KDM1B: variants seen among roughly 807,000 people sequenced by gnomAD.
The protein encoded by KDM1B is lysine-specific histone demethylase 2.
KDM1B carries 63 observed loss-of-function variants against 107.4 expected under a neutral mutation model. That is an observed-to-expected ratio of 0.59 (90% CI 0.48 to 0.72). The LOEUF (loss-of-function observed/expected upper bound fraction) is 0.72. KDM1B is among the 30% of genes least tolerant of loss of function. The probability of loss-of-function intolerance (pLI) is 0.00; values close to 1 mark genes in which losing one functional copy is unlikely to be tolerated. For synonymous variants in KDM1B, 363 were observed against 363.9 expected (o/e 1.00, Z 0.03); for missense variants, 749 against 1,020.8 (o/e 0.73, Z 3.63).
At chr6:18,193,752 T>G (rs1787452030) in intron 10 of KDM1B, among the ~76,000 whole-genome samples, 1 of 152,088 alleles carries the variant, frequency 6.6e-6, no homozygotes, top group African/African-American at 2.4e-5. Context: ...AGGCCTGGGA[T>G]GGGAGCTGCT....
At chr6:18,210,684 G>C (rs1788799412) in intron 17 of KDM1B, among the ~76,000 whole-genome samples, 1 of 151,948 alleles carries the variant, frequency 6.6e-6, no homozygotes, top group Non-Finnish European at 1.5e-5. Context: ...ATGCTTTTCA[G>C]TGCTATTTTG....
chr6:18,165,229 G>A (rs1003083114), intron 5 of KDM1B, among the ~76,000 whole-genome samples: 33 of 132,248 alleles, frequency 2.5e-4, no homozygotes, highest in Admixed American at 7.2e-4. Flanking sequence ...TGCCTCCCAA[G>A]TTCACACCAT....
At chr6:18,207,927 G>A (rs937170789) in intron 16 of KDM1B, among the ~76,000 whole-genome samples, 4 of 152,122 alleles carry the variant, frequency 2.6e-5, no homozygotes, top group African/African-American at 4.8e-5. Context: ...TCTATATTCC[G>A]ACACAATGTT....
At chr6:18,181,846 T>C (rs948160566) in intron 7 of KDM1B, among the ~76,000 whole-genome samples, 1 of 152,224 alleles carries the variant, frequency 6.6e-6, no homozygotes, top group Non-Finnish European at 1.5e-5. Flanking sequence ...CACCCTGCTA[T>C]GAAATCAGAA....
In KDM1B at chr6:18,222,323, T is replaced by G. The variant is rs1303978644; in HGVS notation, c.*331T>G. On this transcript the variant is annotated 3_prime_UTR_variant, in exon 22 of 22. Coordinates refer to ENST00000650836, the MANE Select transcript of KDM1B (RefSeq NM_001364614.2). ...AGTTCCCTTTAGATTTCACATTTTATATGGCTGATCAATTTTCATACATTG... is the reference window on the plus strand; with the variant it reads ...AGTTCCCTTTAGATTTCACATTTTAGATGGCTGATCAATTTTCATACATTG... 1 of 386,786 alleles carries G rather than the reference T, an allele frequency of 2.6e-6. No homozygotes were observed. The highest frequency in any genetic ancestry group is 2.1e-5 in the African/African-American group (1 of 48,118). The allele number at this position is 386,786 out of a possible 1,614,324, so 24.0% of individuals were successfully genotyped here.
At chr6:18,195,182 G>A (rs188196532) in intron 10 of KDM1B, among the ~76,000 whole-genome samples, 37 of 152,160 alleles carry the variant, frequency 2.4e-4, no homozygotes, top group African/African-American at 7.7e-4. Context: ...TTGTCCATTC[G>A]TCCACTGATG....
rs961018059 is a variant in KDM1B, at chr6:18,223,004, C to T, written c.*1012C>T. 3 of 152,494 alleles carry T rather than the reference C, an allele frequency of 2.0e-5. No homozygotes were observed. The highest frequency in any genetic ancestry group is 7.2e-5 in the African/African-American group (3 of 41,414). 9.4% of individuals were successfully genotyped at this position (152,494 alleles called of 1,614,324 possible). A position where few individuals can be genotyped will look rare whatever the true frequency, so the allele number is the denominator to read the frequency against. ...AAGCTATATTTTAAAGGCCTAAGAA[C>T]ATGGCAAGTATTTACTTTTATCTTT... On this transcript the variant is annotated 3_prime_UTR_variant, in exon 22 of 22. Transcript: ENST00000650836.
At chr6:18,206,360 A>G (rs1788372301) in intron 15 of KDM1B, among the ~76,000 whole-genome samples, 2 of 151,888 alleles carry the variant, frequency 1.3e-5, no homozygotes, top group Admixed American at 1.3e-4. Flanking sequence ...TACAAAACAT[A>G]CAAAAAATTA....
chr6:18,223,476 T>C lies in KDM1B; in HGVS notation c.*1484T>C, dbSNP rs1789946824. On this transcript the variant is annotated 3_prime_UTR_variant, in exon 22 of 22. Transcript: ENST00000650836. Reference sequence around the variant, plus strand: ...GGTACTGACTGGCAAGTATTCTGCTTTAAAGTATCATGTATTAAAATGTTT... The same window carrying C: ...GGTACTGACTGGCAAGTATTCTGCTCTAAAGTATCATGTATTAAAATGTTT... The C allele has an allele frequency of 1.3e-5, 2 of 152,096 alleles. No individual in the cohort carries two copies. Among genetic ancestry groups the C allele is most frequent in the Admixed American group, 1.3e-4 (2 of 15,260 alleles). 9.4% of individuals were successfully genotyped at this position (152,096 alleles called of 1,614,324 possible). A position where few individuals can be genotyped will look rare whatever the true frequency, so the allele number is the denominator to read the frequency against.
chr6:18,221,566 T>TTCA lies in KDM1B; in HGVS notation c.2386-340_2386-338dup, dbSNP rs200754948. On this transcript the variant is annotated intron_variant, in intron 21 of 21. Coordinates refer to ENST00000650836, the MANE Select transcript of KDM1B (RefSeq NM_001364614.2). Reference sequence around the variant, plus strand: ...CATCTGTGGCTTGGCTGAACTGCCATTCATCTTTTGTACTTGTTTCGCCTG... The same window carrying TTCA: ...CATCTGTGGCTTGGCTGAACTGCCATTCATCATCTTTTGTACTTGTTTCGCCTG... Among the ~76,000 whole-genome samples, 705 of 152,362 alleles carry TTCA rather than the reference T, an allele frequency of 4.6e-3. 3 individuals are homozygous for TTCA. The highest frequency in any genetic ancestry group is 0.016 in the African/African-American group (645 of 41,582).
rs973671833 is a variant in KDM1B, at chr6:18,186,740, A to G, written c.573+930A>G. On this transcript the variant is annotated intron_variant, in intron 8 of 21. Coordinates refer to ENST00000650836, the MANE Select transcript of KDM1B (RefSeq NM_001364614.2). The surrounding 1 kb of genome is among the most constrained non-coding windows in gnomAD (Gnocchi z 5.6). ...AGAGGAAGCAAATGTGTCCTTCATG[A>G]TGGCTGGAAGGAGAAGTGTCAAGCA... is the stretch of plus-strand genomic sequence containing the variant. 6.6e-6 allele frequency among the ~76,000 whole-genome samples: 1 copy of G among 152,086 alleles called. No homozygotes were observed. Among genetic ancestry groups the G allele is most frequent in the Non-Finnish European group, 1.5e-5 (1 of 68,016 alleles).
intron 8 of KDM1B, among the ~76,000 whole-genome samples, chr6:18,187,181 A>G (rs1259285862): frequency 6.6e-6 from 1 of 152,188 alleles, no homozygotes; most frequent in Non-Finnish European, 1.5e-5. Context: ...TGATGACTCC[A>G]TGTTAAGTCA....
In KDM1B at chr6:18,201,806, G is replaced by A. The variant is rs972795037; in HGVS notation, c.1531+149G>A. ...TCTTTTGGACTGATGGATTCTCCAA[G>A]TTCTCAGGGGAGGAGAACTTTTTGT... On this transcript the variant is annotated intron_variant, in intron 14 of 21. Transcript: ENST00000650836. This position sits in a 1 kb window ranked among gnomAD's most constrained non-coding sequence, Gnocchi z 4.3. 6.1e-6 allele frequency: 4 copies of A among 657,662 alleles called. No homozygotes were observed. Among genetic ancestry groups the A allele is most frequent in the Non-Finnish European group, 7.5e-6 (3 of 397,766 alleles). The allele number at this position is 657,662 out of a possible 1,614,324, so 40.7% of individuals were successfully genotyped here. A position where few individuals can be genotyped will look rare whatever the true frequency, so the allele number is the denominator to read the frequency against.
In KDM1B at chr6:18,205,603, G is replaced by T; in HGVS notation, c.1598G>T (p.Gly533Val). The T allele has an allele frequency of 6.5e-7, 1 of 1,544,010 alleles. No homozygotes were observed. Among genetic ancestry groups the T allele is most frequent in the Non-Finnish European group, 8.7e-7 (1 of 1,143,822 alleles). ...ESGIQFSELEGQVLQFHLSNL... is the reference protein window; with the variant it reads ...ESGIQFSELEVQVLQFHLSNL... Reference sequence around the variant, plus strand: ...GGTATCCAATTCAGTGAGCTGGAGGGACAGGTGCTTCAGTTCCATCTCAGT... The same window carrying T: ...GGTATCCAATTCAGTGAGCTGGAGGTACAGGTGCTTCAGTTCCATCTCAGT... The change falls in exon 15 of 22, where the codon GGA (glycine) becomes GTA (valine). Residue 533 changes from glycine to valine, a missense_variant. Coordinates refer to ENST00000650836, the MANE Select transcript of KDM1B (RefSeq NM_001364614.2). This position sits in a 1 kb window ranked among gnomAD's most constrained non-coding sequence, Gnocchi z 5.7.
In KDM1B at chr6:18,204,868, A is replaced by G. The variant is rs535461963; in HGVS notation, c.1532-669A>G. Among the ~76,000 whole-genome samples the G allele has an allele frequency of 4.5e-4, 69 of 152,244 alleles. No homozygotes were observed. The highest frequency in any genetic ancestry group is 5.6e-4 in the Non-Finnish European group (38 of 68,044). ...AGACCCTGCAGGGTAGGAATTTACC[A>G]GGAAAAAGATTCAAAGCATTACAGC... On this transcript the variant is annotated intron_variant, in intron 14 of 21. Transcript: ENST00000650836. This position sits in a 1 kb window ranked among gnomAD's most constrained non-coding sequence, Gnocchi z 4.9.
intron 2 of KDM1B, among the ~76,000 whole-genome samples, 189 bp downstream of exon 2, chr6:18,156,115 A>G (rs892580872): frequency 1.3e-5 from 2 of 152,208 alleles, no homozygotes; most frequent in African/African-American, 2.4e-5. Context: ...GGGTGCGGCC[A>G]GGAGCCCGCA....
At chr6:18,166,127 T>G in intron 5 of KDM1B, 140 bp from the exon 6 acceptor site, 1 of 577,428 alleles carries the variant, frequency 1.7e-6, no homozygotes, top group South Asian at 2.4e-5. Flanking sequence ...ATGGGTGCCA[T>G]AATAACTTTC....
intron 12 of KDM1B, among the ~76,000 whole-genome samples, chr6:18,199,023 A>G (rs935533546): frequency 2.7e-5 from 4 of 148,718 alleles, no homozygotes; most frequent in South Asian, 2.2e-4. Context: ...AAAAAAAAAA[A>G]AAAAAAAAAA....
rs561836604 is a variant in KDM1B at position 18,213,574 on chromosome 6, G to A, written c.1984-82G>A. 13 of 1,421,086 alleles carry A rather than the reference G, an allele frequency of 9.1e-6. No homozygotes were observed. The African/African-American group carries it at 1.8e-4, about 20-fold the overall frequency. The allele number at this position is 1,421,086 out of a possible 1,614,324, so 88.0% of individuals were successfully genotyped here. ...CGGGCAGTGTCTTTGTTTTAGAGTA[G>A]AGCTACAGGTTGCTGCTTAGATATT... On this transcript the variant is annotated intron_variant, in intron 18 of 21. Coordinates refer to ENST00000650836, the MANE Select transcript of KDM1B (RefSeq NM_001364614.2). This position sits in a 1 kb window ranked among gnomAD's most constrained non-coding sequence, Gnocchi z 5.9.
Sources: allele counts gnomAD v4.1 joint callset (sites outside exome capture counted in the v4.1 genomes callset), GRCh38; gene constraint gnomAD v4.1.1; non-coding constraint Gnocchi (gnomAD v3.1); transcripts MANE v1.5; gene names NCBI Gene and HGNC (gene_info 2026-07-23, HGNC 2026-07-21).